Variants in RASA3 observed in about 807,000 individuals in gnomAD.
RASA3 encodes ras GTPase-activating protein 3.
Under a neutral mutation model 110.0 loss-of-function variants are expected in RASA3, and 73 were observed. The ratio of observed to expected loss-of-function variants is 0.66; its 90% CI spans 0.55 to 0.81. The LOEUF is 0.81. Ranked by LOEUF, RASA3 falls within the 30% of genes least tolerant of loss-of-function variation. RASA3 has a pLI of 0.00. For synonymous variants in RASA3, 500 were observed against 451.4 expected, an observed-to-expected ratio of 1.11 and a Z score of -1.37; for missense variants, 976 against 1,113.2, an observed-to-expected ratio of 0.88 and a Z score of 1.75.
intron 3 of RASA3, among the ~76,000 whole-genome samples, chr13:114,042,999 G>A (rs2054446761): frequency 6.6e-6 from 1 of 152,206 alleles, no homozygotes; most frequent in Non-Finnish European, 1.5e-5. Context: ...CGAGGTCCCA[G>A]GACGCATCTT....
intron 1 of RASA3, among the ~76,000 whole-genome samples, chr13:114,106,343 T>C (rs1446951555): frequency 6.6e-6 from 1 of 152,308 alleles, no homozygotes; most frequent in East Asian, 1.9e-4. Context: ...TCTTGAAAAC[T>C]TAAAATTAGC....
At chr13:113,979,506 C>T in intron 23 of RASA3, 84 bp from the exon 24 acceptor site, 1 of 1,077,730 alleles carries the variant, frequency 9.3e-7, no homozygotes, top group Non-Finnish European at 1.4e-6. Context: ...TTTCCTGTTC[C>T]TAAATGTGAC....
rs977082067 is a variant in RASA3 at position 114,014,517 on chromosome 13, C to T, written c.1405+692G>A. On this transcript the variant is annotated intron_variant, in intron 14 of 23. Transcript: ENST00000334062. The surrounding 1 kb of genome is among the most constrained non-coding windows in gnomAD (Gnocchi z 4.5). ...ACAGGACACGCAAGGAAGAGAGGAG[C>T]CGGCAGCAAGGCCCTCGCTGAGCCT... is the stretch of plus-strand genomic sequence containing the variant. Among the ~76,000 whole-genome samples the T allele has an allele frequency of 6.6e-6, 1 of 152,168 alleles. No homozygotes were observed. The highest frequency in any genetic ancestry group is 1.5e-5 in the Non-Finnish European group (1 of 68,024).
At chr13:114,052,857 C>T (rs1478299502) in intron 2 of RASA3, among the ~76,000 whole-genome samples, 1 of 146,572 alleles carries the variant, frequency 6.8e-6, no homozygotes, top group African/African-American at 2.6e-5. Flanking sequence ...AGAGTCCTCG[C>T]TCCTGGGGGA....
chr13:114,127,546 GTC>G (rs775394193), intron 1 of RASA3, among the ~76,000 whole-genome samples: 1 of 152,148 alleles, frequency 6.6e-6, no homozygotes, highest in Non-Finnish European at 1.5e-5. Context: ...TCACCAACAA[GTC>G]TCTCTGTTCT....
chr13:114,074,974 T>TAA (rs201622148), intron 1 of RASA3, among the ~76,000 whole-genome samples: 1 of 151,922 alleles, frequency 6.6e-6, no homozygotes, highest in Non-Finnish European at 1.5e-5. Context: ...GTCCATTCTG[T>TAA]AAAAAAAACG....
chr13:114,124,726 C>G (rs1300705374), intron 1 of RASA3, among the ~76,000 whole-genome samples: 1 of 152,232 alleles, frequency 6.6e-6, no homozygotes, highest in Non-Finnish European at 1.5e-5. Context: ...CTGACGGAGC[C>G]GCTCCTTCAC....
At position 114,009,378 on chromosome 13, in the gene RASA3, G is replaced by A. The variant is rs576382702; in HGVS notation, c.1668+9C>T. 167 of 1,607,688 alleles carry A rather than the reference G, an allele frequency of 1.0e-4. No individual in the cohort carries two copies. In the East Asian group the frequency reaches 1.6e-3, roughly 15 times the overall value. On this transcript the variant is annotated intron_variant, in intron 17 of 23. Coordinates refer to ENST00000334062, the MANE Select transcript of RASA3 (RefSeq NM_007368.4). The stretch of plus-strand genomic sequence containing the variant: ...CACACGGGCGGTCGGAGGGTGAGTC[G>A]ATACTTACGTTCTTCACCGCATCAG...
chr13:114,054,437 G>C (rs1352505322), intron 2 of RASA3, among the ~76,000 whole-genome samples: 1 of 152,192 alleles, frequency 6.6e-6, no homozygotes, highest in Non-Finnish European at 1.5e-5. Context: ...GCTGCCCGGA[G>C]CCCAGGTGGG....
chr13:114,013,155 G>A lies in RASA3; in HGVS notation c.1499C>T (p.Thr500Met), dbSNP rs529514263. The A allele has an allele frequency of 2.5e-5, 41 of 1,612,956 alleles. No homozygotes were observed. The highest frequency in any genetic ancestry group is 1.6e-4 in the Middle Eastern group (1 of 6,078). ...AILSPNLFQL[T>M]PHHTDPQTSR... ...CCGGTCACTCACCGTGTGGTGCGGCGTGAGCTGGAAGAGGTTGGGGGAGAG... is the reference window on the plus strand; with the variant it reads ...CCGGTCACTCACCGTGTGGTGCGGCATGAGCTGGAAGAGGTTGGGGGAGAG... The change falls in exon 15 of 24, where the codon ACG (threonine) becomes ATG (methionine). Residue 500 changes from threonine to methionine, a missense_variant. Physicochemically the swap from Thr to Met is moderately conservative, Grantham distance 81. Transcript: ENST00000334062.
intron 8 of RASA3, among the ~76,000 whole-genome samples, chr13:114,023,101 G>A (rs1294649978): frequency 1.3e-5 from 2 of 152,238 alleles, no homozygotes; most frequent in East Asian, 1.9e-4. Flanking sequence ...CCACGCACCG[G>A]CTCCACGTGT....
intron 1 of RASA3, among the ~76,000 whole-genome samples, chr13:114,104,484 C>T (rs2080107096): frequency 6.6e-6 from 1 of 152,162 alleles, no homozygotes; most frequent in African/African-American, 2.4e-5. Flanking sequence ...CTGCAGCTAG[C>T]AAGAACCGGC....
At position 114,058,458 on chromosome 13, in the gene RASA3, G is replaced by A. The variant is rs75280763; in HGVS notation, c.174-6303C>T. 5.9e-3 allele frequency among the ~76,000 whole-genome samples: 899 copies of A among 152,352 alleles called. 8 individuals carry two copies. The highest frequency in any genetic ancestry group is 0.02 in the African/African-American group (846 of 41,596). On this transcript the variant is annotated intron_variant, in intron 2 of 23. Coordinates refer to ENST00000334062, the MANE Select transcript of RASA3 (RefSeq NM_007368.4). ...GCCCGTGACTTGTGGTCACCAGACC[G>A]GACGGAAAACACAGAGACCATTTCC...
Position 114,056,476 on chromosome 13 carries a change from G to A in RASA3, c.174-4321C>T. On this transcript the variant is annotated intron_variant, in intron 2 of 23. Transcript: ENST00000334062. The surrounding 1 kb of genome is among the most constrained non-coding windows in gnomAD (Gnocchi z 5.7). ...CTAACCCCAGGGCTTGGGCAGCAGG[G>A]CTGAGAGTGCGGCGTCCCTGGGCGC... The A allele has an allele frequency of 1.0e-6, 1 of 985,412 alleles. No homozygotes were observed. Among genetic ancestry groups the A allele is most frequent in the Non-Finnish European group, 1.2e-6 (1 of 829,932 alleles). The allele number at this position is 985,412 out of a possible 1,614,324, so 61.0% of individuals were successfully genotyped here.
chr13:114,011,369 C>A lies in RASA3; in HGVS notation c.1513-121G>T. Reference sequence around the variant, plus strand: ...GCTGCTGTGGCTTGTGCATGAGCTACGGAGAAACAGGGGTAGCGACGCAGA... The same window carrying A: ...GCTGCTGTGGCTTGTGCATGAGCTAAGGAGAAACAGGGGTAGCGACGCAGA... On this transcript the variant is annotated intron_variant, in intron 15 of 23. Transcript: ENST00000334062. This position sits in a 1 kb window ranked among gnomAD's most constrained non-coding sequence, Gnocchi z 4.8. 1.1e-6 allele frequency: 1 copy of A among 876,108 alleles called. No individual in the cohort carries two copies. Among genetic ancestry groups the A allele is most frequent in the Non-Finnish European group, 1.8e-6 (1 of 541,938 alleles). The allele number at this position is 876,108 out of a possible 1,614,324, so 54.3% of individuals were successfully genotyped here.
chr13:114,015,840 G>T (rs904622685), intron 13 of RASA3, among the ~76,000 whole-genome samples: 5 of 152,132 alleles, frequency 3.3e-5, no homozygotes, highest in Admixed American at 2.0e-4. Flanking sequence ...AGGAGGAGCC[G>T]GGGCGGAGGC....
At chr13:114,037,052 G>A (rs2054291695) in intron 4 of RASA3, among the ~76,000 whole-genome samples, 1 of 152,188 alleles carries the variant, frequency 6.6e-6, no homozygotes, top group African/African-American at 2.4e-5. Flanking sequence ...GACACCACTC[G>A]GTTCAGGATC....
rs1047120878 is a variant in RASA3, at chr13:114,040,940, G to A, written c.372+60C>T. 7.5e-5 allele frequency: 114 copies of A among 1,526,870 alleles called. No individual in the cohort carries two copies. In the Middle Eastern group the frequency reaches 8.8e-4, roughly 12 times the overall value. 94.6% of individuals were successfully genotyped at this position (1,526,870 alleles called of 1,614,324 possible). A position where few individuals can be genotyped will look rare whatever the true frequency, so the allele number is the denominator to read the frequency against. ...TTTAGCCACAGTCGGAGCCGGGCCCGTCTCGAAGCCCCATGGTGTCCCAGG... is the reference window on the plus strand; with the variant it reads ...TTTAGCCACAGTCGGAGCCGGGCCCATCTCGAAGCCCCATGGTGTCCCAGG... On this transcript the variant is annotated intron_variant, in intron 4 of 23. Coordinates refer to ENST00000334062, the MANE Select transcript of RASA3 (RefSeq NM_007368.4).
intron 9 of RASA3, 69 bp from the exon 10 acceptor site, chr13:114,018,988 C>T (rs41291223): frequency 0.17 from 268,578 of 1,584,324 alleles, 25,439 homozygotes; most frequent in Middle Eastern, 0.21. Flanking sequence ...CTCAGGGAAG[C>T]CCAGCTGCCT....
Sources: allele counts gnomAD v4.1 joint callset (sites outside exome capture counted in the v4.1 genomes callset), GRCh38; gene constraint gnomAD v4.1.1; non-coding constraint Gnocchi (gnomAD v3.1); transcripts MANE v1.5; gene names NCBI Gene and HGNC (gene_info 2026-07-23, HGNC 2026-07-21).